The following PPP1R1C variants were observed in gnomAD, a reference collection of about 807,000 sequenced individuals.
PPP1R1C encodes protein phosphatase 1 regulatory inhibitor subunit 1C, also known as protein phosphatase 1 regulatory subunit 1C.
Under a neutral mutation model 17.4 loss-of-function variants are expected in PPP1R1C, and 15 were observed. The ratio of observed to expected loss-of-function variants is 0.86; its 90% confidence interval spans 0.58 to 1.33. The LOEUF (loss-of-function observed/expected upper bound fraction) is 1.33, where lower values mean the gene tolerates loss of function less well. PPP1R1C is among the 40% of genes most tolerant of loss of function. The pLI is 0.00. For missense variants in PPP1R1C, 143 were observed against 130.0 expected (o/e 1.10, Z -0.48); for synonymous variants, 35 against 43.1 (o/e 0.81, Z 0.73).
chr2:182,026,424 A>C (rs1574388817), intron 2 of PPP1R1C, among the ~76,000 whole-genome samples: 1 of 136,016 alleles, frequency 7.4e-6, no homozygotes, highest in Admixed American at 7.3e-5. Flanking sequence ...AGCTTTCTAC[A>C]TATGTCTAGC....
chr2:182,087,590 C>T (rs976377965), intron 4 of PPP1R1C, among the ~76,000 whole-genome samples: 1 of 152,132 alleles, frequency 6.6e-6, no homozygotes, highest in African/African-American at 2.4e-5. Context: ...CCAAAGTATG[C>T]CTGGCACACA....
At chr2:182,119,107 G>A (rs985587565), downstream of PPP1R1C, among the ~76,000 whole-genome samples, 11 of 151,178 alleles carry the variant, frequency 7.3e-5, no homozygotes, top group East Asian at 3.9e-4. Flanking sequence ...TCCTGTGTCC[G>A]TGTGTTCTCA....
At chr2:182,077,835 C>T (rs1018000962) in intron 4 of PPP1R1C, among the ~76,000 whole-genome samples, 3 of 152,176 alleles carry the variant, frequency 2.0e-5, no homozygotes, top group African/African-American at 7.2e-5. Flanking sequence ...CCTACAGCTC[C>T]CTCTGCTGGT....
rs527628265 is a variant in PPP1R1C at position 182,048,155 on chromosome 2, A to G, written c.143-13287A>G. Among the ~76,000 whole-genome samples, 3 of 152,310 alleles carry G rather than the reference A, an allele frequency of 2.0e-5. No individual in the cohort carries two copies. The East Asian group carries it at 5.8e-4, about 29-fold the overall frequency. On this transcript the variant is annotated intron_variant, in intron 2 of 4. Transcript: ENST00000682840. ...AATCTTGGCACAACAGGGTAAAACT[A>G]TTCTTACCATTTTCTTCTTTTCTCC...
intron 2 of PPP1R1C, among the ~76,000 whole-genome samples, chr2:182,005,515 G>A (rs1685891940): frequency 2.0e-5 from 3 of 152,180 alleles, no homozygotes; most frequent in Admixed American, 6.5e-5. Context: ...TTAGGAAAGT[G>A]AGCATGTGTG....
At chr2:182,070,642 AGT>A (rs1435015649) in intron 4 of PPP1R1C, among the ~76,000 whole-genome samples, 1 of 152,244 alleles carries the variant, frequency 6.6e-6, no homozygotes, top group African/African-American at 2.4e-5. Flanking sequence ...GTCTCATGTT[AGT>A]ATGGCACAGT....
intron 1 of PPP1R1C, among the ~76,000 whole-genome samples, chr2:181,964,885 T>G (rs939118276): frequency 6.6e-6 from 1 of 152,176 alleles, no homozygotes; most frequent in Non-Finnish European, 1.5e-5. Context: ...TTTGTATTTT[T>G]AGTAGAGACA....
In PPP1R1C at chr2:182,096,832, G is replaced by T. The variant is rs1019822766; in HGVS notation, c.242-20375G>T. 2.0e-5 allele frequency among the ~76,000 whole-genome samples: 3 copies of T among 152,078 alleles called. No individual in the cohort carries two copies. In the East Asian group the frequency reaches 5.8e-4, roughly 29 times the overall value. On this transcript the variant is annotated intron_variant, in intron 4 of 4. Coordinates refer to ENST00000682840, the MANE Select transcript of PPP1R1C (RefSeq NM_001080545.3). ...TCCTTCTGTCAAAATCATGCAAGTT[G>T]TTCTGAAATTTCAATACAACTCAGC...
chr2:181,972,584 TG>T (rs1410325683), intron 1 of PPP1R1C, among the ~76,000 whole-genome samples: 2 of 151,998 alleles, frequency 1.3e-5, no homozygotes, highest in Non-Finnish European at 2.9e-5. Context: ...CATTTGAACT[TG>T]GTCCTAAAAG....
At chr2:182,077,882 T>A (rs1381952123) in intron 4 of PPP1R1C, among the ~76,000 whole-genome samples, 1 of 152,160 alleles carries the variant, frequency 6.6e-6, no homozygotes, top group Non-Finnish European at 1.5e-5. Context: ...AAAATAATGT[T>A]TAAGAAGTGG....
chr2:182,077,792 A>ATTAT (rs1415872694), intron 4 of PPP1R1C, among the ~76,000 whole-genome samples: 15 of 152,200 alleles, frequency 9.9e-5, no homozygotes, highest in Admixed American at 6.5e-5. Flanking sequence ...AGTGCTTATT[A>ATTAT]GATCATTTTA....
intron 2 of PPP1R1C, among the ~76,000 whole-genome samples, chr2:182,059,299 G>C (rs1400458897): frequency 6.6e-6 from 1 of 151,992 alleles, no homozygotes; most frequent in Non-Finnish European, 1.5e-5. Flanking sequence ...AAAATTTATA[G>C]TTTTTGATTA....
chr2:182,055,878 T>TA (rs1285739156), intron 2 of PPP1R1C, among the ~76,000 whole-genome samples: 5 of 152,214 alleles, frequency 3.3e-5, no homozygotes, highest in African/African-American at 1.2e-4. Flanking sequence ...GCAGCATTCC[T>TA]AAAAAAGAAT....
chr2:182,104,728 T>C (rs1298629824), intron 4 of PPP1R1C, among the ~76,000 whole-genome samples: 1 of 152,208 alleles, frequency 6.6e-6, no homozygotes, highest in Non-Finnish European at 1.5e-5. Context: ...TTTCTTTTCT[T>C]GTGGCATCCT....
At chr2:182,056,240 A>C (rs1302953534) in intron 2 of PPP1R1C, among the ~76,000 whole-genome samples, 1 of 152,192 alleles carries the variant, frequency 6.6e-6, no homozygotes, top group Non-Finnish European at 1.5e-5. Context: ...ACACGAAGTC[A>C]GTTCTGCTGA....
intron 2 of PPP1R1C, among the ~76,000 whole-genome samples, chr2:182,017,051 G>A (rs115704506): frequency 0.015 from 2,243 of 152,214 alleles, 63 homozygotes; most frequent in African/African-American, 0.051. Context: ...TGAACAGGTT[G>A]AGCCATCTTT....
chr2:181,957,450 G>C lies in PPP1R1C; in HGVS notation n.111+2816G>C, dbSNP rs1684689146. Reference sequence around the variant, plus strand: ...AGCCATCTCAGTTTCTTCTGGGACAGGTAGTAATTTACCCATTCTCAACCA... The same window carrying C: ...AGCCATCTCAGTTTCTTCTGGGACACGTAGTAATTTACCCATTCTCAACCA... On this transcript the variant is annotated intron_variant and non_coding_transcript_variant, in intron 1 of 5. Transcript: ENST00000464264. This position sits in a 1 kb window ranked among gnomAD's most constrained non-coding sequence, Gnocchi z 4.2. Among the ~76,000 whole-genome samples the C allele has an allele frequency of 6.6e-6, 1 of 152,106 alleles. No individual in the cohort carries two copies. Among genetic ancestry groups the C allele is most frequent in the African/African-American group, 2.4e-5 (1 of 41,404 alleles).
chr2:182,090,152 C>G (rs1688740418), intron 4 of PPP1R1C, among the ~76,000 whole-genome samples: 1 of 151,982 alleles, frequency 6.6e-6, no homozygotes. Flanking sequence ...ATTAATAAAC[C>G]TATCCTACAA....
At chr2:181,971,572 G>A (rs1218678366) in intron 1 of PPP1R1C, among the ~76,000 whole-genome samples, 1 of 152,116 alleles carries the variant, frequency 6.6e-6, no homozygotes, top group African/African-American at 2.4e-5. Flanking sequence ...CACCCCAGCT[G>A]GTGTCTCACT....
Sources: allele counts gnomAD v4.1 joint callset (sites outside exome capture counted in the v4.1 genomes callset), GRCh38; gene constraint gnomAD v4.1.1; non-coding constraint Gnocchi (gnomAD v3.1); transcripts MANE v1.5; gene names NCBI Gene and HGNC (gene_info 2026-07-23, HGNC 2026-07-21).